The following E2F7 variants were observed in gnomAD, a reference collection of about 807,000 sequenced individuals.
E2F7 encodes the protein E2F transcription factor 7.
In E2F7, 35 loss-of-function variants were observed where a neutral mutation model predicts 81.1. The ratio of observed to expected loss-of-function variants is 0.43; its 90% confidence interval spans 0.33 to 0.57. The LOEUF is 0.57. E2F7 is among the 20% of genes least tolerant of loss of function. The pLI is 0.04. For synonymous variants in E2F7, 416 were observed against 416.2 expected (o/e 1.00, Z 0.01); for missense variants, 961 against 1,093.7 (o/e 0.88, Z 1.71).
chr12:77,056,817 A>C (rs948689353), intron 2 of E2F7, among the ~76,000 whole-genome samples: 1 of 152,032 alleles, frequency 6.6e-6, no homozygotes, highest in Admixed American at 6.6e-5. Flanking sequence ...TTCTTCAACA[A>C]GAAGAGACCA....
chr12:77,032,903 G>T, intron 9 of E2F7, 147 bp downstream of exon 9: 2 of 641,274 alleles, frequency 3.1e-6, no homozygotes, highest in South Asian at 4.1e-5. Flanking sequence ...CCTGCACAGT[G>T]TAGGGCACAA....
chr12:77,026,721 A>C (rs1954763161), intron 11 of E2F7, among the ~76,000 whole-genome samples: 1 of 152,230 alleles, frequency 6.6e-6, no homozygotes, highest in Admixed American at 6.5e-5. Flanking sequence ...AGATATGTGC[A>C]TATTACATTA....
intron 12 of E2F7, 55 bp downstream of exon 12, chr12:77,025,503 C>T (rs1047852677): frequency 1.3e-6 from 2 of 1,577,068 alleles, no homozygotes; most frequent in Non-Finnish European, 1.7e-6. Context: ...GAAAGCTAAA[C>T]ACAGGCATAC....
At chr12:77,033,201 G>A (rs1297976190) in intron 8 of E2F7, 79 bp from the exon 9 acceptor site, 24 of 1,297,602 alleles carry the variant, frequency 1.8e-5, no homozygotes, top group Non-Finnish European at 2.6e-5. Flanking sequence ...TTATCTAGCT[G>A]AGAATTCATT....
At chr12:77,040,513 C>A (rs989728713) in intron 7 of E2F7, among the ~76,000 whole-genome samples, 7 of 152,204 alleles carry the variant, frequency 4.6e-5, no homozygotes, top group African/African-American at 1.7e-4. Context: ...TGTGGAAACA[C>A]CCTGAGTACC....
intron 2 of E2F7, among the ~76,000 whole-genome samples, chr12:77,063,007 G>A (rs565545525): frequency 6.6e-6 from 1 of 152,234 alleles, no homozygotes; most frequent in Admixed American, 6.5e-5. Context: ...CAATTCATGA[G>A]TTTTAGATTG....
At chr12:77,036,525 C>G (rs1362775113) in intron 7 of E2F7, among the ~76,000 whole-genome samples, 1 of 134,286 alleles carries the variant, frequency 7.4e-6, no homozygotes, top group Admixed American at 8.0e-5. Flanking sequence ...AGAGTAAGAC[C>G]TTTGTCTCCA....
rs310831 is a variant in E2F7, at chr12:77,025,561, A to T, written c.2562T>A (p.His854Gln). Residue 854 changes from histidine to glutamine, a missense_variant, in exon 12 of 13, where the codon CAT becomes CAA. His to Gln is a conservative substitution (Grantham distance 24, BLOSUM62 0). Transcript: ENST00000322886. ...VGHPVSVVKLHQSPVPVTPKS... is the reference protein window; with the variant it reads ...VGHPVSVVKLQQSPVPVTPKS... ...TTCAGGAAACTTCAGGCCTCACCTG[A>T]TGTAATTTTACTACTGAGACTGGAT... The T allele has an allele frequency of 0.1, 167,696 of 1,613,810 alleles. 9,900 individuals are homozygous for T. Among genetic ancestry groups the T allele is most frequent in the Middle Eastern group, 0.16 (989 of 6,062 alleles).
intron 7 of E2F7, among the ~76,000 whole-genome samples, chr12:77,036,497 C>T (rs563715346): frequency 6.6e-6 from 1 of 151,734 alleles, no homozygotes; most frequent in Admixed American, 6.6e-5. Flanking sequence ...CGCGCCACTG[C>T]ACTCCAGTTT....
Position 77,043,087 on chromosome 12 carries a change from C to T in E2F7, c.1101G>A (p.Gly367=). 1 of 1,614,118 alleles carries T rather than the reference C, an allele frequency of 6.2e-7. No individual in the cohort carries two copies. The change falls in exon 7 of 13, where the codon GGG becomes GGA. Residue 367 remains glycine (G), a synonymous_variant. Coordinates refer to ENST00000322886, the MANE Select transcript of E2F7 (RefSeq NM_203394.3). ...RGRKPAFKWI[G]PVDFSSSDEE... The stretch of plus-strand genomic sequence containing the variant: ...TACCACTTGAGCTGAAGTCCACAGG[C>T]CCGATCCACTTGAAGGCTGGTTTAC...
At chr12:77,026,043 C>T in intron 11 of E2F7, 61 bp from the exon 12 acceptor site, 1 of 1,498,336 alleles carries the variant, frequency 6.7e-7, no homozygotes, top group Non-Finnish European at 8.9e-7. Context: ...ATCATTCAAG[C>T]TCACATTTGT....
chr12:77,043,211 A>G lies in E2F7; in HGVS notation c.989-12T>C, dbSNP rs1405538636. ...GCGTCGTACCTTTGCTTGAAGATAT[A>G]AAACACGATTACGGTCATGCTGCCT... On this transcript the variant is annotated splice_polypyrimidine_tract_variant and intron_variant, in intron 6 of 12. Transcript: ENST00000322886. 2 of 1,613,916 alleles carry G rather than the reference A, an allele frequency of 1.2e-6. No individual in the cohort carries two copies. The highest frequency in any genetic ancestry group is 1.7e-5 in the Admixed American group (1 of 59,982).
intron 4 of E2F7, 85 bp downstream of exon 4, chr12:77,050,491 C>G (rs2120722255): frequency 6.9e-7 from 1 of 1,445,422 alleles, no homozygotes; most frequent in East Asian, 2.3e-5. Context: ...GGGGCCCACT[C>G]TACTTCAAGC....
At chr12:77,063,122 C>T (rs1239274328) in intron 2 of E2F7, among the ~76,000 whole-genome samples, 2 of 152,114 alleles carry the variant, frequency 1.3e-5, no homozygotes, top group African/African-American at 2.4e-5. Context: ...ACTACCTGCT[C>T]GAGCAGCCAC....
chr12:77,050,443 A>C, intron 4 of E2F7, 133 bp downstream of exon 4: 1 of 864,490 alleles, frequency 1.2e-6, no homozygotes, highest in African/African-American at 1.7e-5. Flanking sequence ...ACGATGACAA[A>C]GGAAGCTCTG....
At chr12:77,056,264 A>G (rs1420515896) in intron 2 of E2F7, 134 bp from the exon 3 acceptor site, 3 of 939,984 alleles carry the variant, frequency 3.2e-6, no homozygotes, top group African/African-American at 1.7e-5. Flanking sequence ...AAGTATCAGG[A>G]TAGGACTAAC....
intron 5 of E2F7, among the ~76,000 whole-genome samples, chr12:77,045,435 A>C (rs1279273667): frequency 6.6e-6 from 1 of 152,226 alleles, no homozygotes; most frequent in Non-Finnish European, 1.5e-5. Flanking sequence ...AGTAACTCTA[A>C]TGAAAACCAG....
At chr12:77,031,048 C>T (rs1006378445) in intron 9 of E2F7, among the ~76,000 whole-genome samples, 7 of 152,142 alleles carry the variant, frequency 4.6e-5, no homozygotes, top group African/African-American at 1.7e-4. Flanking sequence ...AAATTTTAGG[C>T]AGCACACAAT....
intron 9 of E2F7, 35 bp from the exon 10 acceptor site, chr12:77,030,367 A>G: frequency 6.6e-7 from 1 of 1,514,530 alleles, no homozygotes; most frequent in African/African-American, 1.4e-5. Flanking sequence ...AAGTTAGCAC[A>G]TTCTACCAAC....
Sources: allele counts gnomAD v4.1 joint callset (sites outside exome capture counted in the v4.1 genomes callset), GRCh38; gene constraint gnomAD v4.1.1; transcripts MANE v1.5; gene names NCBI Gene and HGNC (gene_info 2026-07-23, HGNC 2026-07-21).